Variants in PPP3CA observed in about 807,000 individuals in gnomAD.
The protein encoded by PPP3CA is CAM-PRP catalytic subunit.
PPP3CA carries 14 observed loss-of-function variants against 66.5 expected under a neutral mutation model. The observed-to-expected ratio is 0.21, with a 90% CI of 0.14 to 0.33. PPP3CA has a LOEUF of 0.33. Ranked by LOEUF, PPP3CA falls within the 10% of genes least tolerant of loss-of-function variation. The pLI is 1.00. For synonymous variants in PPP3CA, 232 were observed against 226.2 expected (o/e 1.03, Z -0.23); for missense variants, 317 against 639.5 (o/e 0.50, Z 5.44).
At chr4:101,266,361 G>T (rs1479784543) in intron 1 of PPP3CA, among the ~76,000 whole-genome samples, 1 of 151,990 alleles carries the variant, frequency 6.6e-6, no homozygotes, top group Non-Finnish European at 1.5e-5. Flanking sequence ...AAATAAATAG[G>T]ATTATTAAGT....
At chr4:101,124,767 GAAA>G (rs1722184497) in intron 2 of PPP3CA, among the ~76,000 whole-genome samples, 1 of 129,234 alleles carries the variant, frequency 7.7e-6, no homozygotes. Flanking sequence ...AAGAAAGAAA[GAAA>G]GAAAGAAAGA....
chr4:101,341,348 C>T (rs59763039), intron 1 of PPP3CA, among the ~76,000 whole-genome samples: 16,131 of 151,790 alleles, frequency 0.11, 2,908 homozygotes, highest in African/African-American at 0.37. Context: ...GCAAGAAAAG[C>T]CTCTTTAATA....
Position 101,253,434 on chromosome 4 carries a change from T to C in PPP3CA, c.59-57318A>G, listed in dbSNP as rs764536355. Reference sequence around the variant, plus strand: ...CTGAAACTAAGAGTCACCTTCTTTCTTGAACTCTTCCAACATTTGGAATAC... The same window carrying C: ...CTGAAACTAAGAGTCACCTTCTTTCCTGAACTCTTCCAACATTTGGAATAC... On this transcript the variant is annotated intron_variant, in intron 1 of 13. Coordinates refer to ENST00000394854, the MANE Select transcript of PPP3CA (RefSeq NM_000944.5). Among the ~76,000 whole-genome samples the C allele has an allele frequency of 5.9e-5, 9 of 152,152 alleles. 1 individual carries two copies. Among genetic ancestry groups the C allele is most frequent in the Non-Finnish European group, 1.0e-4 (7 of 68,018 alleles).
At chr4:101,115,387 G>C (rs1439477972) in intron 2 of PPP3CA, among the ~76,000 whole-genome samples, 1 of 151,926 alleles carries the variant, frequency 6.6e-6, no homozygotes, top group Non-Finnish European at 1.5e-5. Flanking sequence ...CCAGAGAGAT[G>C]CTGGTAGCTC....
chr4:101,229,982 A>G (rs1725908999), intron 1 of PPP3CA, among the ~76,000 whole-genome samples: 1 of 151,678 alleles, frequency 6.6e-6, no homozygotes, highest in South Asian at 2.1e-4. Context: ...GGAACCATTT[A>G]TCACCAGTAT....
intron 1 of PPP3CA, among the ~76,000 whole-genome samples, chr4:101,284,657 G>C (rs1021259299): frequency 3.3e-5 from 5 of 151,464 alleles, no homozygotes; most frequent in Non-Finnish European, 7.4e-5. Context: ...CCACCCCCAT[G>C]TCTTTTTTTT....
intron 1 of PPP3CA, among the ~76,000 whole-genome samples, chr4:101,287,370 TA>T: frequency 6.6e-6 from 1 of 152,354 alleles, no homozygotes; most frequent in South Asian, 2.1e-4. Context: ...TGTGTACATT[TA>T]GAGTGCATCA....
At chr4:101,294,112 A>G (rs950846835) in intron 1 of PPP3CA, among the ~76,000 whole-genome samples, 3 of 152,376 alleles carry the variant, frequency 2.0e-5, no homozygotes, top group East Asian at 3.9e-4. Context: ...GCCTTCATGT[A>G]ATACAGATAG....
chr4:101,258,007 G>A (rs572012159), intron 1 of PPP3CA, among the ~76,000 whole-genome samples: 1 of 152,118 alleles, frequency 6.6e-6, no homozygotes, highest in South Asian at 2.1e-4. Context: ...AAATAAGTAG[G>A]TGTCCAAAAA....
chr4:101,196,083 G>C lies in PPP3CA; in HGVS notation c.92C>G (p.Ala31Gly). The C allele has an allele frequency of 6.2e-7, 1 of 1,613,812 alleles. No individual in the cohort carries two copies. Among genetic ancestry groups the C allele is most frequent in the Non-Finnish European group, 8.5e-7 (1 of 1,179,940 alleles). Residue 31 changes from alanine (A) to glycine (G), a missense_variant, in exon 2 of 14, where the codon GCA (alanine) becomes GGA (glycine). By Grantham distance (60) the Ala-to-Gly change is moderately conservative. Coordinates refer to ENST00000394854, the MANE Select transcript of PPP3CA (RefSeq NM_000944.5). Reference sequence around the variant, plus strand: ...TCCATCATTATCAAACACTTCTTTTGCTGTAAGCCGGTGACTTGGAGGAAA... The same window carrying C: ...TCCATCATTATCAAACACTTCTTTTCCTGTAAGCCGGTGACTTGGAGGAAA... Reference protein sequence around the residue: ...VPFPPSHRLTAKEVFDNDGKP... With the variant: ...VPFPPSHRLTGKEVFDNDGKP...
chr4:101,200,459 A>G (rs573505141), intron 1 of PPP3CA, among the ~76,000 whole-genome samples: 1 of 152,260 alleles, frequency 6.6e-6, no homozygotes, highest in East Asian at 1.9e-4. Flanking sequence ...TGGGATGTAT[A>G]AAAATATGCC....
In PPP3CA at chr4:101,023,511, A is replaced by T. The variant is rs890087504; in HGVS notation, c.*2354T>A. 3.9e-5 allele frequency: 6 copies of T among 152,118 alleles called. No homozygotes were observed. The highest frequency in any genetic ancestry group is 1.9e-4 in the East Asian group (1 of 5,204). 9.4% of individuals were successfully genotyped at this position (152,118 alleles called of 1,614,324 possible). On this transcript the variant is annotated 3_prime_UTR_variant, in exon 14 of 14. Transcript: ENST00000394854. ...AAAAGAAAGGAATCCAAAAAAATGA[A>T]TTTTTTTTAGTCAGGATATTTTCTC...
intron 2 of PPP3CA, among the ~76,000 whole-genome samples, chr4:101,159,355 C>G (rs1168831566): frequency 6.6e-6 from 1 of 152,166 alleles, no homozygotes; most frequent in Non-Finnish European, 1.5e-5. Context: ...TACCCCATAC[C>G]TGCCCACTGA....
At chr4:101,295,827 A>G (rs927970751) in intron 1 of PPP3CA, among the ~76,000 whole-genome samples, 4 of 152,232 alleles carry the variant, frequency 2.6e-5, no homozygotes, top group African/African-American at 4.8e-5. Context: ...ATCCCAGAGG[A>G]AAGTGTAAAA....
At chr4:101,313,850 A>C (rs553906857) in intron 1 of PPP3CA, among the ~76,000 whole-genome samples, 1 of 152,214 alleles carries the variant, frequency 6.6e-6, no homozygotes, top group African/African-American at 2.4e-5. Flanking sequence ...AACTCTATTA[A>C]ATGTTTAAGT....
chr4:101,202,746 C>T (rs555292594), intron 1 of PPP3CA, among the ~76,000 whole-genome samples: 22 of 152,212 alleles, frequency 1.4e-4, no homozygotes, highest in African/African-American at 4.8e-4. Context: ...ACAGAAATAT[C>T]CAGTTACAAT....
intron 2 of PPP3CA, among the ~76,000 whole-genome samples, chr4:101,136,699 T>C (rs1722634299): frequency 6.6e-6 from 1 of 151,910 alleles, no homozygotes; most frequent in Non-Finnish European, 1.5e-5. Flanking sequence ...CTTATGGTAA[T>C]CTTTATTTCT....
intron 8 of PPP3CA, among the ~76,000 whole-genome samples, chr4:101,068,576 A>AATATGCATATATGCATATTCACAT (rs926590678): frequency 9.9e-5 from 15 of 152,214 alleles, no homozygotes; most frequent in Admixed American, 2.6e-4. Flanking sequence ...AGATTGTGTG[A>AATATGCATATATGCATATTCACAT]ATATGCATAT....
chr4:101,191,624 T>C (rs546526695), intron 2 of PPP3CA, among the ~76,000 whole-genome samples: 2 of 152,308 alleles, frequency 1.3e-5, no homozygotes, highest in Non-Finnish European at 2.9e-5. Flanking sequence ...CATTGCTTCA[T>C]AGTGACAAAT....
Sources: gnomAD v4.1 joint callset for allele counts (sites outside exome capture counted in the v4.1 genomes callset) on GRCh38, gnomAD v4.1.1 for gene constraint, MANE v1.5 for transcripts, NCBI Gene and HGNC (gene_info 2026-07-23, HGNC 2026-07-21) for gene names.